Variants in KCMF1 observed in about 807,000 individuals in gnomAD.
KCMF1 encodes potassium channel modulatory factor 1.
In KCMF1, 3 loss-of-function variants were observed where a neutral mutation model predicts 41.1. The observed-to-expected ratio is 0.07, with a 90% CI of 0.03 to 0.19. The LOEUF (loss-of-function observed/expected upper bound fraction) is 0.19. Ranked by LOEUF, KCMF1 falls within the 10% of genes least tolerant of loss-of-function variation. The pLI, the probability that KCMF1 is intolerant of heterozygous loss-of-function variation, is 1.00. For synonymous variants in KCMF1, 142 were observed against 164.5 expected (o/e 0.86, Z 1.04); for missense variants, 286 against 488.9 (o/e 0.58, Z 3.91).
rs185941959 is a variant in KCMF1 at position 85,053,028 on chromosome 2, A to G, written c.885-120A>G. On this transcript the variant is annotated intron_variant, in intron 6 of 6. Transcript: ENST00000409785. ...TAAATTACAGCCAAGTATTCCAGCA[A>G]TGTCTCATTCTGAATTTTGCCACCT... 1,746 of 772,042 alleles carry G rather than the reference A, an allele frequency of 2.3e-3. 5 individuals carry two copies. Among genetic ancestry groups the G allele is most frequent in the Non-Finnish European group, 3.1e-3 (1,542 of 490,718 alleles). 47.8% of individuals were successfully genotyped at this position (772,042 alleles called of 1,614,324 possible).
intron 1 of KCMF1, among the ~76,000 whole-genome samples, chr2:85,009,225 G>T (rs183371416): frequency 6.6e-6 from 1 of 152,180 alleles, no homozygotes; most frequent in Non-Finnish European, 1.5e-5. Context: ...CCCCTTTCGT[G>T]CTGTCTCTCT....
intron 1 of KCMF1, among the ~76,000 whole-genome samples, chr2:84,992,605 C>T (rs757475619): frequency 6.6e-6 from 1 of 151,830 alleles, no homozygotes; most frequent in African/African-American, 2.4e-5. Context: ...ACAGTTTTAA[C>T]GATTTTATTT....
At chr2:85,038,841 G>A (rs375534907) in intron 3 of KCMF1, among the ~76,000 whole-genome samples, 29 of 152,220 alleles carry the variant, frequency 1.9e-4, no homozygotes, top group African/African-American at 6.5e-4. Context: ...AAGCAGAGAC[G>A]TGAATTGTAC....
At chr2:85,043,370 G>A (rs1414220188) in intron 3 of KCMF1, among the ~76,000 whole-genome samples, 194 bp from the exon 4 acceptor site, 1 of 152,204 alleles carries the variant, frequency 6.6e-6, no homozygotes, top group Non-Finnish European at 1.5e-5. Context: ...GTCTGAAACT[G>A]TTGTGTTTGA....
chr2:85,049,382 A>G lies in KCMF1; in HGVS notation c.618A>G (p.Leu206=). 6.2e-7 allele frequency: 1 copy of G among 1,613,592 alleles called. No individual in the cohort carries two copies. Residue 206 remains leucine (L), a synonymous_variant, in exon 6 of 7, where the codon TTA becomes TTG. Coordinates refer to ENST00000409785, the MANE Select transcript of KCMF1 (RefSeq NM_020122.5). The part of the protein sequence containing the change: ...MDPIAELLSQ[L]SGVRRSAGGQ... ...CATTGGCAGAGCTTTTATCTCAGTT[A>G]TCAGGAGTGAGACGTTCTGCAGGAG...
intron 1 of KCMF1, among the ~76,000 whole-genome samples, chr2:85,021,880 G>A (rs536222760): frequency 4.0e-4 from 61 of 152,104 alleles, no homozygotes; most frequent in African/African-American, 1.3e-3. Context: ...ACAATGGTGC[G>A]ATCTCGGCTC....
intron 1 of KCMF1, among the ~76,000 whole-genome samples, chr2:84,972,753 A>G (rs1047973454): frequency 6.6e-6 from 1 of 152,244 alleles, no homozygotes. Flanking sequence ...AATTCGCATT[A>G]CTAATTGCGA....
At chr2:84,995,027 A>G (rs1025832444) in intron 1 of KCMF1, among the ~76,000 whole-genome samples, 4 of 147,024 alleles carry the variant, frequency 2.7e-5, no homozygotes. Flanking sequence ...AATTTTATTA[A>G]TTTTTTTTTT....
At chr2:85,001,403 C>A (rs1674326253) in intron 1 of KCMF1, among the ~76,000 whole-genome samples, 1 of 151,952 alleles carries the variant, frequency 6.6e-6, no homozygotes, top group South Asian at 2.1e-4. Flanking sequence ...AAGTGAGCTG[C>A]CTGCCCTAGC....
At chr2:84,995,360 T>A (rs922358104) in intron 1 of KCMF1, among the ~76,000 whole-genome samples, 2 of 152,216 alleles carry the variant, frequency 1.3e-5, no homozygotes, top group Non-Finnish European at 2.9e-5. Flanking sequence ...ATAGATATGT[T>A]CAGAGTTTCA....
At chr2:85,019,817 CGTAT>C (rs1674887082) in intron 1 of KCMF1, among the ~76,000 whole-genome samples, 1 of 149,312 alleles carries the variant, frequency 6.7e-6, no homozygotes, top group South Asian at 2.1e-4. Context: ...TATATACATA[CGTAT>C]ATATATACGT....
intron 1 of KCMF1, among the ~76,000 whole-genome samples, chr2:84,987,125 G>T (rs1673921383): frequency 6.6e-6 from 1 of 152,122 alleles, no homozygotes; most frequent in African/African-American, 2.4e-5. Context: ...TTTTTATCAC[G>T]GTAGATAAGA....
At chr2:85,000,773 C>CA (rs1454959217) in intron 1 of KCMF1, among the ~76,000 whole-genome samples, 2 of 118,622 alleles carry the variant, frequency 1.7e-5, no homozygotes, top group Non-Finnish European at 3.6e-5. Context: ...GATAATTTTA[C>CA]TTTTTTTTTT....
intron 1 of KCMF1, among the ~76,000 whole-genome samples, chr2:84,981,410 C>G (rs894361463): frequency 6.6e-6 from 1 of 151,856 alleles, no homozygotes; most frequent in Non-Finnish European, 1.5e-5. Context: ...AGGATGGTCT[C>G]GATCTCCTGA....
At chr2:85,048,203 G>A (rs1254326576) in intron 5 of KCMF1, among the ~76,000 whole-genome samples, 1 of 152,128 alleles carries the variant, frequency 6.6e-6, no homozygotes, top group Non-Finnish European at 1.5e-5. Context: ...TTCCAAATGT[G>A]CTTTGGACAT....
chr2:84,992,990 T>TC lies in KCMF1; in HGVS notation c.16+21524dup, dbSNP rs570414510. 2.8e-4 allele frequency among the ~76,000 whole-genome samples: 43 copies of TC among 152,196 alleles called. 2 individuals are homozygous for TC. The East Asian group carries it at 8.3e-3, about 29-fold the overall frequency. On this transcript the variant is annotated intron_variant, in intron 1 of 6. Transcript: ENST00000409785. Reference sequence around the variant, plus strand: ...AGGCAGGTCCCTTGAGCCCAGGTATTCGAGACTAGCCTGAACAACTGACGA... The same window carrying TC: ...AGGCAGGTCCCTTGAGCCCAGGTATTCCGAGACTAGCCTGAACAACTGACGA...
At chr2:84,985,044 A>G (rs903576244) in intron 1 of KCMF1, among the ~76,000 whole-genome samples, 1 of 152,078 alleles carries the variant, frequency 6.6e-6, no homozygotes, top group Non-Finnish European at 1.5e-5. Flanking sequence ...ATGGACATTT[A>G]AGGAAAAGCC....
At chr2:84,997,555 G>A (rs1674207402) in intron 1 of KCMF1, among the ~76,000 whole-genome samples, 1 of 152,040 alleles carries the variant, frequency 6.6e-6, no homozygotes, top group African/African-American at 2.4e-5. Flanking sequence ...ATTAGGAAAT[G>A]GATCACAGAG....
intron 1 of KCMF1, among the ~76,000 whole-genome samples, chr2:84,981,241 G>C (rs1191927986): frequency 1.3e-5 from 2 of 150,940 alleles, no homozygotes; most frequent in Non-Finnish European, 2.9e-5. Context: ...CCAGGCTGGA[G>C]CGCAGTGGTG....
Sources: allele counts gnomAD v4.1 joint callset (sites outside exome capture counted in the v4.1 genomes callset), GRCh38; gene constraint gnomAD v4.1.1; transcripts MANE v1.5; gene names NCBI Gene and HGNC (gene_info 2026-07-23, HGNC 2026-07-21).